The following OTUD7A variants were observed in gnomAD, a reference collection of about 807,000 sequenced individuals.
The protein encoded by OTUD7A is OTU domain-containing protein 7A.
Under a neutral mutation model 65.7 loss-of-function variants are expected in OTUD7A, and 12 were observed. That is an observed-to-expected ratio of 0.18 (90% CI 0.12 to 0.30). OTUD7A has a LOEUF of 0.30. Among genes scored for constraint, OTUD7A ranks in the 10% least tolerant of loss-of-function variants. The pLI is 1.00. For missense variants in OTUD7A, 1,148 were observed against 1,304.8 expected, an observed-to-expected ratio of 0.88 and a Z score of 1.85; for synonymous variants, 641 against 586.3, an observed-to-expected ratio of 1.09 and a Z score of -1.35.
intron 1 of OTUD7A, among the ~76,000 whole-genome samples, chr15:31,771,295 T>G (rs531101961): frequency 3.9e-5 from 6 of 152,100 alleles, no homozygotes; most frequent in Non-Finnish European, 8.8e-5. Flanking sequence ...GACTATCTAT[T>G]TGTCAGCTCC....
chr15:31,596,615 A>G (rs1889910723), intron 3 of OTUD7A, among the ~76,000 whole-genome samples: 1 of 152,002 alleles, frequency 6.6e-6, no homozygotes, highest in Non-Finnish European at 1.5e-5. Context: ...GGAAAGTTCT[A>G]TTTTTCCACA....
chr15:31,833,790 T>G (rs550673420), intron 1 of OTUD7A, among the ~76,000 whole-genome samples: 11 of 152,256 alleles, frequency 7.2e-5, no homozygotes, highest in Non-Finnish European at 1.2e-4. Flanking sequence ...AACAAGATTT[T>G]AAACTTTCTT....
At chr15:31,801,072 AAGC>A (rs1466292470) in intron 1 of OTUD7A, among the ~76,000 whole-genome samples, 17 of 152,148 alleles carry the variant, frequency 1.1e-4, no homozygotes, top group Non-Finnish European at 2.1e-4. Flanking sequence ...AAAAAAAAAA[AAGC>A]AGAATCAGGT....
chr15:31,777,449 C>G (rs912530573), intron 1 of OTUD7A, among the ~76,000 whole-genome samples: 1 of 152,198 alleles, frequency 6.6e-6, no homozygotes, highest in African/African-American at 2.4e-5. Flanking sequence ...GGCATTAGGA[C>G]CTTCATGTGG....
intron 1 of OTUD7A, among the ~76,000 whole-genome samples, chr15:31,667,636 T>C (rs12324140): frequency 0.31 from 46,469 of 152,006 alleles, 8,302 homozygotes; most frequent in African/African-American, 0.49. Flanking sequence ...TCAATGTTAT[T>C]ATTGAGATGT....
chr15:31,728,452 A>G (rs909051466), intron 1 of OTUD7A, among the ~76,000 whole-genome samples: 1 of 152,166 alleles, frequency 6.6e-6, no homozygotes, highest in South Asian at 2.1e-4. Flanking sequence ...CTTCACCTTA[A>G]TTCTACAGTT....
intron 5 of OTUD7A, among the ~76,000 whole-genome samples, chr15:31,548,530 G>A (rs949094764): frequency 2.6e-5 from 4 of 152,076 alleles, no homozygotes; most frequent in African/African-American, 9.7e-5. Context: ...TCACAGCCAG[G>A]CAGCCATGGG....
At chr15:31,761,391 C>T (rs1483287716) in intron 1 of OTUD7A, among the ~76,000 whole-genome samples, 1 of 151,950 alleles carries the variant, frequency 6.6e-6, no homozygotes, top group East Asian at 1.9e-4. Context: ...CAAAAGAATA[C>T]ATAAAACCAG....
intron 1 of OTUD7A, among the ~76,000 whole-genome samples, chr15:31,733,955 C>T (rs564826440): frequency 6.6e-6 from 1 of 152,232 alleles, no homozygotes; most frequent in African/African-American, 2.4e-5. Context: ...GCAGGTGAAA[C>T]ACGTTAATAT....
At chr15:31,575,685 A>G (rs1889183565) in intron 3 of OTUD7A, among the ~76,000 whole-genome samples, 1 of 152,188 alleles carries the variant, frequency 6.6e-6, no homozygotes, top group South Asian at 2.1e-4. Flanking sequence ...AGCCAGGAGC[A>G]TCTCCCATCA....
At chr15:31,553,780 C>T (rs918066719) in intron 5 of OTUD7A, among the ~76,000 whole-genome samples, 6 of 152,078 alleles carry the variant, frequency 3.9e-5, no homozygotes, top group Non-Finnish European at 7.4e-5. Context: ...ACCACCCCCA[C>T]GACCCTGCCA....
chr15:31,515,742 A>T (rs1265276147), intron 8 of OTUD7A, among the ~76,000 whole-genome samples: 2 of 129,958 alleles, frequency 1.5e-5, no homozygotes, highest in Non-Finnish European at 1.7e-5. Context: ...CCATCCATTC[A>T]TGCCATCCAC....
At chr15:31,587,087 C>T (rs1889563753) in intron 3 of OTUD7A, among the ~76,000 whole-genome samples, 1 of 152,182 alleles carries the variant, frequency 6.6e-6, no homozygotes, top group Admixed American at 6.5e-5. Context: ...AAGCCTAACA[C>T]AGCCTAAGCC....
intron 5 of OTUD7A, among the ~76,000 whole-genome samples, chr15:31,546,854 G>T (rs531419750): frequency 6.6e-6 from 1 of 152,306 alleles, no homozygotes; most frequent in African/African-American, 2.4e-5. Context: ...ATGATAAGCA[G>T]AAGAATCCAG....
rs1456900634 is a variant in OTUD7A at position 31,670,419 on chromosome 15, T to G, written c.-99-13342A>C. Among the ~76,000 whole-genome samples, 3 of 152,304 alleles carry G rather than the reference T, an allele frequency of 2.0e-5. No individual in the cohort carries two copies. In the East Asian group the frequency reaches 5.8e-4, roughly 29 times the overall value. The stretch of plus-strand genomic sequence containing the variant: ...CTAACAGTATAAATGCATTCTTATT[T>G]CTCCACAGCGTCACCAGCATCTGTT... On this transcript the variant is annotated intron_variant, in intron 1 of 12. Coordinates refer to ENST00000307050, the MANE Select transcript of OTUD7A (RefSeq NM_001382637.1).
At chr15:31,827,866 T>A (rs1896836056) in intron 1 of OTUD7A, among the ~76,000 whole-genome samples, 1 of 151,916 alleles carries the variant, frequency 6.6e-6, no homozygotes, top group Non-Finnish European at 1.5e-5. Flanking sequence ...GGGCGGGGGT[T>A]AGAGGTTGCA....
intron 3 of OTUD7A, among the ~76,000 whole-genome samples, chr15:31,603,117 A>C (rs1429463748): frequency 6.6e-6 from 1 of 152,204 alleles, no homozygotes; most frequent in Admixed American, 6.5e-5. Context: ...GGAACCAAAA[A>C]AGAGCCCACA....
At position 31,870,596 on chromosome 15, in the gene OTUD7A, C is replaced by T. The variant is rs1356712879; in HGVS notation, c.-189G>A. ...ATTTTCTCTCGCTTTAAAGGAAAAC[C>T]AGATCAGCTGTTTTGCTCCCGCTCG... On this transcript the variant is annotated 5_prime_UTR_variant, in exon 1 of 13. Coordinates refer to ENST00000307050, the MANE Select transcript of OTUD7A (RefSeq NM_001382637.1). The T allele has an allele frequency of 6.8e-6, 1 of 148,084 alleles. No individual in the cohort carries two copies. Among genetic ancestry groups the T allele is most frequent in the Non-Finnish European group, 1.5e-5 (1 of 66,632 alleles). 9.2% of individuals were successfully genotyped at this position (148,084 alleles called of 1,614,324 possible). A position where few individuals can be genotyped will look rare whatever the true frequency, so the allele number is the denominator to read the frequency against.
Position 31,483,830 on chromosome 15 carries a change from C to T in OTUD7A, c.2266G>A (p.Ala756Thr). Residue 756 changes from alanine to threonine, a missense_variant, in exon 13 of 13, where the codon GCG (alanine) becomes ACG (threonine). This residue lies in a region of OTUD7A where 842 missense variants were observed against 769.5 expected (regional missense o/e 1.09). Coordinates refer to ENST00000307050, the MANE Select transcript of OTUD7A (RefSeq NM_001382637.1). The stretch of plus-strand genomic sequence containing the variant: ...GGTCCGCTGGCGCTCGCACGCCGCG[C>T]GCCTCCCCCCGGGGAGGCCGTGCCG... ...AGGTASPGGGARRASASGPVP... is the reference protein window; with the variant it reads ...AGGTASPGGGTRRASASGPVP... 1 of 987,058 alleles carries T rather than the reference C, an allele frequency of 1.0e-6. No individual in the cohort carries two copies. The highest frequency in any genetic ancestry group is 4.5e-5 in the South Asian group (1 of 21,998). The allele number at this position is 987,058 out of a possible 1,614,324, so 61.1% of individuals were successfully genotyped here.
Sources: gnomAD v4.1 joint callset for allele counts (sites outside exome capture counted in the v4.1 genomes callset) on GRCh38, gnomAD v4.1.1 for gene constraint, gnomAD v4.1.1 regional missense constraint, MANE v1.5 for transcripts, NCBI Gene and HGNC (gene_info 2026-07-23, HGNC 2026-07-21) for gene names.